BET1: variants seen among roughly 807,000 people sequenced by gnomAD.
BET1 encodes BET1 homolog.
BET1 carries 9 observed loss-of-function variants against 13.9 expected under a neutral mutation model. That is an observed-to-expected ratio of 0.65 (90% CI 0.39 to 1.13). BET1 has a LOEUF of 1.13. BET1 is among the 50% of genes most tolerant of loss of function. BET1 has a pLI of 0.01. For synonymous variants in BET1, 39 were observed against 47.3 expected, an observed-to-expected ratio of 0.82 and a Z score of 0.72; for missense variants, 127 against 133.6, an observed-to-expected ratio of 0.95 and a Z score of 0.24.
chr7:93,977,952 G>A (rs539127715), intron 4 of BET1, among the ~76,000 whole-genome samples: 1 of 152,118 alleles, frequency 6.6e-6, no homozygotes, highest in South Asian at 2.1e-4. Context: ...TCCCCTACGT[G>A]TACAGGCTCA....
At position 94,004,229 on chromosome 7, in the gene BET1, G is replaced by C; in HGVS notation, c.-13C>G. On this transcript the variant is annotated 5_prime_UTR_variant, in exon 1 of 4. Transcript: ENST00000222547. ...CTGCACGCCTCATCCTGCCAGAGGA[G>C]AGAGAGAAAAGGCGGGTGCGGGGCT... is the stretch of plus-strand genomic sequence containing the variant. 6.2e-7 allele frequency: 1 copy of C among 1,614,082 alleles called. No homozygotes were observed. Among genetic ancestry groups the C allele is most frequent in the Non-Finnish European group, 8.5e-7 (1 of 1,180,000 alleles).
At chr7:93,974,918 C>T (rs1161097240) in intron 5 of BET1, among the ~76,000 whole-genome samples, 2 of 152,020 alleles carry the variant, frequency 1.3e-5, no homozygotes, top group African/African-American at 2.4e-5. Context: ...TAATTAGATA[C>T]ATTGACATCA....
chr7:93,969,629 A>G (rs1483784899), intron 6 of BET1: 1 of 151,720 alleles, frequency 6.6e-6, no homozygotes, highest in Non-Finnish European at 1.5e-5. Context: ...CCAAATTATA[A>G]TCCATAAGGT....
chr7:93,994,337 T>C lies in BET1; in HGVS notation c.250A>G (p.Lys84Glu). ...CTCCCTCTGGATAAAATCTTCAGTT[T>C]GCCCATAGTTTTACCTAGAAATCCA... ...TTGFLGKTMGKLKILSRGSQT... is the reference protein window; with the variant it reads ...TTGFLGKTMGELKILSRGSQT... The change falls in exon 4 of 4, where the codon AAA becomes GAA. Residue 84 changes from lysine (K) to glutamate (E), a missense_variant. Transcript: ENST00000222547. 1 of 1,613,812 alleles carries C rather than the reference T, an allele frequency of 6.2e-7. No individual in the cohort carries two copies. Among genetic ancestry groups the C allele is most frequent in the Non-Finnish European group, 8.5e-7 (1 of 1,179,830 alleles).
intron 4 of BET1, chr7:93,987,167 A>G (rs1209550863): frequency 6.6e-6 from 1 of 151,906 alleles, no homozygotes; most frequent in East Asian, 1.9e-4. Context: ...TGCCTAACTC[A>G]CCGGATCGAC....
intron 4 of BET1, among the ~76,000 whole-genome samples, chr7:93,978,881 T>C (rs544934739): frequency 6.6e-6 from 1 of 152,242 alleles, no homozygotes; most frequent in Admixed American, 6.5e-5. Context: ...GGCCAGAGAA[T>C]AAGAAGTATA....
At chr7:93,999,753 T>C (rs1423511854) in intron 1 of BET1, 12 of 454,408 alleles carry the variant, frequency 2.6e-5, no homozygotes, top group Middle Eastern at 3.2e-4. Context: ...TGGCATCTCT[T>C]TCTCTTAAAT....
intron 6 of BET1, among the ~76,000 whole-genome samples, chr7:93,966,548 T>A (rs1319730428): frequency 1.3e-5 from 2 of 151,776 alleles, no homozygotes; most frequent in African/African-American, 2.4e-5. Flanking sequence ...AAGCACATAA[T>A]GCAATTCTAG....
chr7:93,976,483 T>C (rs1022544823), intron 4 of BET1, among the ~76,000 whole-genome samples: 1 of 152,130 alleles, frequency 6.6e-6, no homozygotes, highest in African/African-American at 2.4e-5. Flanking sequence ...TGTTTGGTAT[T>C]GTCATTTTTA....
downstream of BET1, chr7:93,992,953 G>A (rs1202641796): frequency 5.1e-6 from 5 of 985,186 alleles, no homozygotes; most frequent in Non-Finnish European, 6.0e-6. Flanking sequence ...AACCTGTCAG[G>A]TAGAGGCCCA....
At chr7:93,969,773 A>C (rs1238855489) in intron 6 of BET1, 8 of 151,712 alleles carry the variant, frequency 5.3e-5, no homozygotes, top group African/African-American at 1.9e-4. Flanking sequence ...CATATGTTTA[A>C]TTTTTAGTCT....
At chr7:93,978,429 G>A (rs961990895) in intron 4 of BET1, among the ~76,000 whole-genome samples, 28 of 152,006 alleles carry the variant, frequency 1.8e-4, no homozygotes, top group Non-Finnish European at 3.2e-4. Context: ...GATCTCTCTG[G>A]TTCTCTTCAT....
chr7:93,969,983 T>A (rs1329972880), intron 6 of BET1, among the ~76,000 whole-genome samples: 1 of 151,968 alleles, frequency 6.6e-6, no homozygotes, highest in South Asian at 2.1e-4. Flanking sequence ...ATTTGATGAA[T>A]TTCTATATGC....
At chr7:93,982,428 C>A (rs959775939) in intron 4 of BET1, among the ~76,000 whole-genome samples, 1 of 152,142 alleles carries the variant, frequency 6.6e-6, no homozygotes, top group African/African-American at 2.4e-5. Context: ...TCTGGTTCAG[C>A]TGCCCCTTAC....
At chr7:93,963,684 A>T (rs1221841844) in exon 7 of BET1, 1 of 152,106 alleles carries the variant, frequency 6.6e-6, no homozygotes, top group Non-Finnish European at 1.5e-5. Context: ...TGAATGGAGA[A>T]GAAAAGTCAC....
intron 3 of BET1, among the ~76,000 whole-genome samples, chr7:93,995,047 T>C (rs1562806898): frequency 6.6e-6 from 1 of 152,208 alleles, no homozygotes; most frequent in Non-Finnish European, 1.5e-5. Flanking sequence ...GGTTTCACCA[T>C]GTTGGCCAGG....
intron 3 of BET1, among the ~76,000 whole-genome samples, chr7:93,995,581 A>G (rs533929101): frequency 1.4e-4 from 21 of 152,308 alleles, no homozygotes; most frequent in Admixed American, 4.6e-4. Context: ...CTAAATCAGT[A>G]TATTTAAAGA....
intron 4 of BET1, among the ~76,000 whole-genome samples, chr7:93,977,049 T>C: frequency 6.6e-6 from 1 of 152,150 alleles, no homozygotes; most frequent in East Asian, 1.9e-4. Flanking sequence ...TCTATCTATA[T>C]CTATATCTCA....
exon 7 of BET1, chr7:93,962,897 G>A (rs2116001494): frequency 6.6e-6 from 1 of 152,014 alleles, no homozygotes; most frequent in South Asian, 2.1e-4. Context: ...TAAACATCTT[G>A]GCTATAATTA....
Sources: allele counts gnomAD v4.1 joint callset (sites outside exome capture counted in the v4.1 genomes callset), GRCh38; gene constraint gnomAD v4.1.1; transcripts MANE v1.5; gene names NCBI Gene and HGNC (gene_info 2026-07-23, HGNC 2026-07-21).